GSDMC: variants seen among roughly 807,000 people sequenced by gnomAD.
GSDMC encodes the protein gasdermin C, also known as gasdermin-C.
A neutral mutation model predicts 58.0 loss-of-function variants in GSDMC; 59 were observed. That is an observed-to-expected ratio of 1.02 (90% CI 0.82 to 1.26). GSDMC has a LOEUF of 1.26. GSDMC is among the 50% of genes most tolerant of loss of function. The pLI, the probability that GSDMC is intolerant of heterozygous loss-of-function variation, is 0.00. For synonymous variants in GSDMC, 241 were observed against 220.2 expected, an observed-to-expected ratio of 1.09 and a Z score of -0.83; for missense variants, 659 against 598.5, an observed-to-expected ratio of 1.10 and a Z score of -1.06.
chr8:129,762,451 C>T (rs1304149483), intron 5 of GSDMC, among the ~76,000 whole-genome samples, 175 bp downstream of exon 5: 1 of 152,200 alleles, frequency 6.6e-6, no homozygotes, highest in African/African-American at 2.4e-5. Flanking sequence ...TTGGAGGTGC[C>T]TCTGTGTGGT....
chr8:129,738,016 AC>A, the GSDMC span, among the ~76,000 whole-genome samples: 1 of 152,234 alleles, frequency 6.6e-6, no homozygotes, highest in Non-Finnish European at 1.5e-5. Flanking sequence ...ATGAACAGAA[AC>A]TTCTCAAAAG....
chr8:129,756,536 C>T (rs982274922), intron 6 of GSDMC, among the ~76,000 whole-genome samples: 3 of 152,122 alleles, frequency 2.0e-5, no homozygotes, highest in African/African-American at 7.2e-5. Flanking sequence ...ACTTATTCTG[C>T]ACTATAGAGC....
chr8:129,783,888 A>G (rs2034484918), intron 1 of GSDMC, among the ~76,000 whole-genome samples: 2 of 152,168 alleles, frequency 1.3e-5, no homozygotes, highest in African/African-American at 4.8e-5. Flanking sequence ...TGGCATGAAA[A>G]CAGACACACA....
In GSDMC at chr8:129,775,173, T is replaced by C. The variant is rs538633480; in HGVS notation, c.404+929A>G. Among the ~76,000 whole-genome samples the C allele has an allele frequency of 4.1e-3, 627 of 152,250 alleles. 9 individuals are homozygous for C. The highest frequency in any genetic ancestry group is 0.014 in the African/African-American group (593 of 41,558). On this transcript the variant is annotated intron_variant, in intron 3 of 13. Transcript: ENST00000276708. The stretch of plus-strand genomic sequence containing the variant: ...GACACCAAAACAACCTAAGTGCCTG[T>C]CAACAGATGAATGGAAAAAGAAATT...
rs3078753 is a variant in GSDMC, at chr8:129,773,785, C to CAAA, written c.404+2314_404+2316dup. The stretch of plus-strand genomic sequence containing the variant: ...TGGGAGACAGAGTGAGACTCTGTCT[C>CAAA]AAAAAAAAAAAAAAAAAGTCCGTTT... On this transcript the variant is annotated intron_variant, in intron 3 of 13. Transcript: ENST00000276708. 1.4e-3 allele frequency among the ~76,000 whole-genome samples: 110 copies of CAAA among 77,728 alleles called. 1 individual carries two copies. The highest frequency in any genetic ancestry group is 0.01 in the South Asian group (19 of 1,884). The allele number at this position is 77,728 out of a possible 152,430, so 51.0% of individuals were successfully genotyped here.
intron 1 of GSDMC, among the ~76,000 whole-genome samples, chr8:129,783,827 T>A (rs1032186468): frequency 6.6e-6 from 1 of 152,030 alleles, no homozygotes; most frequent in African/African-American, 2.4e-5. Context: ...AATCATATTA[T>A]CTGACATCAA....
Position 129,762,642 on chromosome 8 carries a change from C to CAGCT in GSDMC, c.656_659dup (p.Val221AlafsTer13). ...TGCTCCCACCTTTCTCCTTGATAAC[C>CAGCT]AGCTGCTTTCTCTTATAAGCCATCA... On this transcript the variant is annotated frameshift_variant, in exon 5 of 14. Coordinates refer to ENST00000276708, the MANE Select transcript of GSDMC (RefSeq NM_031415.3). LOFTEE classifies it high-confidence loss of function. The CAGCT allele has an allele frequency of 6.2e-7, 1 of 1,611,270 alleles. No individual in the cohort carries two copies. The highest frequency in any genetic ancestry group is 1.1e-5 in the South Asian group (1 of 91,038).
chr8:129,716,086 G>A, the GSDMC span, among the ~76,000 whole-genome samples: 1 of 152,080 alleles, frequency 6.6e-6, no homozygotes, highest in East Asian at 1.9e-4. Context: ...CCGAAAGAAG[G>A]CAAGAAAAAG....
At chr8:129,728,307 G>A in the GSDMC span, among the ~76,000 whole-genome samples, 1 of 152,156 alleles carries the variant, frequency 6.6e-6, no homozygotes, top group African/African-American at 2.4e-5. Context: ...CACTGTTTCT[G>A]TGCAGTGACC....
At chr8:129,710,409 T>C in the GSDMC span, among the ~76,000 whole-genome samples, 1 of 152,228 alleles carries the variant, frequency 6.6e-6, no homozygotes, top group African/African-American at 2.4e-5. Context: ...TCAGTGATGC[T>C]TTCTTGTGTT....
At chr8:129,749,748 T>C (rs2033095281) in intron 12 of GSDMC, among the ~76,000 whole-genome samples, 1 of 152,200 alleles carries the variant, frequency 6.6e-6, no homozygotes, top group African/African-American at 2.4e-5. Context: ...AAAGCTGGAA[T>C]CACCCACCTC....
chr8:129,722,032 C>T, the GSDMC span, among the ~76,000 whole-genome samples: 1 of 152,004 alleles, frequency 6.6e-6, no homozygotes, highest in Non-Finnish European at 1.5e-5. Flanking sequence ...AGCTAGTTGG[C>T]CAAAAAAATT....
At chr8:129,720,566 C>T in the GSDMC span, among the ~76,000 whole-genome samples, 8 of 152,156 alleles carry the variant, frequency 5.3e-5, no homozygotes, top group South Asian at 4.1e-4. Context: ...TATATATACA[C>T]GTTTTATTAC....
At chr8:129,734,221 G>A in the GSDMC span, among the ~76,000 whole-genome samples, 120 of 152,276 alleles carry the variant, frequency 7.9e-4, 1 homozygote, top group African/African-American at 2.7e-3. Flanking sequence ...AAAGTGATGG[G>A]GAGAATGGAA....
chr8:129,778,649 A>C (rs1396168597), intron 1 of GSDMC, among the ~76,000 whole-genome samples: 1 of 152,220 alleles, frequency 6.6e-6, no homozygotes, highest in Non-Finnish European at 1.5e-5. Context: ...ACAGCAAAAG[A>C]AGCTATGAAC....
rs1384272525 is a variant in GSDMC at position 129,748,393 on chromosome 8, C to A, written c.*108G>T. 15 of 1,147,700 alleles carry A rather than the reference C, an allele frequency of 1.3e-5. No individual in the cohort carries two copies. Among genetic ancestry groups the A allele is most frequent in the Non-Finnish European group, 1.7e-5 (14 of 827,600 alleles). 71.1% of individuals were successfully genotyped at this position (1,147,700 alleles called of 1,614,324 possible). A position where few individuals can be genotyped will look rare whatever the true frequency, so the allele number is the denominator to read the frequency against. The stretch of plus-strand genomic sequence containing the variant: ...CTACCCATTACTGTCTCTACTCCAC[C>A]TGGAAACGCAGAGAGGCACAGCCCT... On this transcript the variant is annotated 3_prime_UTR_variant, in exon 14 of 14. Transcript: ENST00000276708.
the GSDMC span, among the ~76,000 whole-genome samples, chr8:129,725,828 A>G: frequency 6.6e-6 from 1 of 152,220 alleles, no homozygotes; most frequent in Non-Finnish European, 1.5e-5. Flanking sequence ...AAAGTTAGGG[A>G]TCGGCCCAAC....
the GSDMC span, among the ~76,000 whole-genome samples, chr8:129,716,183 G>T: frequency 7.2e-5 from 11 of 152,276 alleles, no homozygotes; most frequent in Admixed American, 2.0e-4. Flanking sequence ...AATGTAAGTG[G>T]TCTAAATATC....
At chr8:129,719,643 C>T in the GSDMC span, among the ~76,000 whole-genome samples, 3 of 152,170 alleles carry the variant, frequency 2.0e-5, no homozygotes, top group African/African-American at 4.8e-5. Context: ...TAACTCAATA[C>T]ATTTAAAAAC....
Sources: allele counts gnomAD v4.1 joint callset (sites outside exome capture counted in the v4.1 genomes callset), GRCh38; gene constraint gnomAD v4.1.1; transcripts MANE v1.5; gene names NCBI Gene and HGNC (gene_info 2026-07-23, HGNC 2026-07-21).